The following JPH2 variants were observed in gnomAD, a reference collection of about 807,000 sequenced individuals.
JPH2 encodes junctophilin 2.
In JPH2, 38 loss-of-function variants were observed where a neutral mutation model predicts 55.9. That is an observed-to-expected ratio of 0.68 (90% CI 0.52 to 0.89). The LOEUF is 0.89. Among genes scored for constraint, JPH2 ranks in the 40% least tolerant of loss-of-function variants. JPH2 has a pLI of 0.00. For synonymous variants in JPH2, 480 were observed against 472.4 expected (o/e 1.02, Z -0.21); for missense variants, 964 against 1,037.6 (o/e 0.93, Z 0.97).
intron 2 of JPH2, among the ~76,000 whole-genome samples, chr20:44,141,047 C>T (rs1569199543): frequency 6.6e-6 from 1 of 152,088 alleles, no homozygotes; most frequent in Non-Finnish European, 1.5e-5. Flanking sequence ...AACAGAGGTG[C>T]AGTGAAGGGG....
rs2072155841 is a variant in JPH2, at chr20:44,112,810, G to A, written c.*708C>T. 6.6e-6 allele frequency: 1 copy of A among 152,384 alleles called. No homozygotes were observed. The highest frequency in any genetic ancestry group is 1.5e-5 in the Non-Finnish European group (1 of 68,200). 9.4% of individuals were successfully genotyped at this position (152,384 alleles called of 1,614,324 possible). On this transcript the variant is annotated 3_prime_UTR_variant, in exon 6 of 6. Transcript: ENST00000372980. ...ACCCTGCCCCCTGGCCACCTGGTCA[G>A]TGGCTTCCCAGCCAGAGGATCCATG...
chr20:44,106,980 G>C lies in JPH2; in HGVS notation c.*6538C>G, dbSNP rs1021129889. ...TTGCTCTGGAGCTCCCACTGGGTTG[G>C]ACTTTGTCAGGCCTGCATCAAGTTA... On this transcript the variant is annotated 3_prime_UTR_variant, in exon 6 of 6. Transcript: ENST00000372980. 2.6e-5 allele frequency among the ~76,000 whole-genome samples: 4 copies of C among 152,170 alleles called. No homozygotes were observed. Among genetic ancestry groups the C allele is most frequent in the African/African-American group, 9.7e-5 (4 of 41,432 alleles).
chr20:44,115,674 C>A lies in JPH2; in HGVS notation c.2001G>T (p.Glu667Asp), dbSNP rs765261384. The A allele has an allele frequency of 6.2e-7, 1 of 1,612,690 alleles. No individual in the cohort carries two copies. The highest frequency in any genetic ancestry group is 8.5e-7 in the Non-Finnish European group (1 of 1,180,012). The change falls in exon 4 of 6, where the codon GAG (glutamate) becomes GAT (aspartate). Residue 667 changes from glutamate (E) to aspartate (D), a missense_variant. Coordinates refer to ENST00000372980, the MANE Select transcript of JPH2 (RefSeq NM_020433.5). ...TGCCCGACAGCCTCACCTCTTCCAC[C>A]TCCACCTCCGCCTCTGCCGCCAGTG... ...EAALAAEAEV[E>D]VEEVPNTILI...
Position 44,115,854 on chromosome 20 carries a change from G to A in JPH2, c.1821C>T (p.Pro607=), listed in dbSNP as rs949299046. ...SSPATAPLQA[P]TLRGPEPARE... ...GTGCAGGCTCGGGGCCTCGGAGCGT[G>A]GGGGCCTGCAGCGGGGCGGTGGCCG... The change falls in exon 4 of 6, where the codon CCC becomes CCT. Residue 607 remains proline, a synonymous_variant. Coordinates refer to ENST00000372980, the MANE Select transcript of JPH2 (RefSeq NM_020433.5). 6.3e-7 allele frequency: 1 copy of A among 1,591,778 alleles called. No individual in the cohort carries two copies. Among genetic ancestry groups the A allele is most frequent in the African/African-American group, 1.3e-5 (1 of 74,680 alleles).
At chr20:44,129,552 CAAA>C (rs1208567536) in intron 2 of JPH2, among the ~76,000 whole-genome samples, 63 of 45,254 alleles carry the variant, frequency 1.4e-3, no homozygotes, top group African/African-American at 4.4e-3. Flanking sequence ...CAGGCTGTCT[CAAA>C]AAAAAAAAAA....
In JPH2 at chr20:44,115,917, C is replaced by T. The variant is rs753383507; in HGVS notation, c.1758G>A (p.Glu586=). ...CGGACTCGGACCCGGAGACCTCGGG[C>T]TCGGGCTGGTCCTCAAAGGGTGGGG... The part of the protein sequence containing the change: ...PEPPPFEDQP[E]PEVSGSESAP... The change falls in exon 4 of 6, where the codon GAG becomes GAA. Residue 586 remains glutamate, a synonymous_variant. Coordinates refer to ENST00000372980, the MANE Select transcript of JPH2 (RefSeq NM_020433.5). The T allele has an allele frequency of 9.5e-6, 15 of 1,571,366 alleles. No homozygotes were observed. Among genetic ancestry groups the T allele is most frequent in the Middle Eastern group, 1.7e-4 (1 of 5,774 alleles).
intron 2 of JPH2, among the ~76,000 whole-genome samples, chr20:44,135,738 G>C (rs2145859010): frequency 6.6e-6 from 1 of 152,310 alleles, no homozygotes; most frequent in East Asian, 1.9e-4. Context: ...ACTTGACTGT[G>C]AGACTCACAG....
chr20:44,116,012 A>T lies in JPH2; in HGVS notation c.1663T>A (p.Ser555Thr). The T allele has an allele frequency of 1.9e-6, 3 of 1,581,360 alleles. No homozygotes were observed. Among genetic ancestry groups the T allele is most frequent in the Non-Finnish European group, 2.6e-6 (3 of 1,172,064 alleles). ...IEALQAPPAP[S>T]REPEVALYQG... The stretch of plus-strand genomic sequence containing the variant: ...TAAAGCGCCACCTCCGGCTCCCGCG[A>T]CGGCGCAGGCGGTGCCTGCAGAGCC... The change falls in exon 4 of 6, where the codon TCG becomes ACG. Residue 555 changes from serine to threonine, a missense_variant. Coordinates refer to ENST00000372980, the MANE Select transcript of JPH2 (RefSeq NM_020433.5).
rs750624583 is a variant in JPH2 at position 44,110,772 on chromosome 20, T to G, written c.*2746A>C. On this transcript the variant is annotated 3_prime_UTR_variant, in exon 6 of 6. Coordinates refer to ENST00000372980, the MANE Select transcript of JPH2 (RefSeq NM_020433.5). ...CACCATAATCTATCTCATTTGAGCC[T>G]CACAACTGCATTGCCTATGAGGAAG... 3.9e-5 allele frequency among the ~76,000 whole-genome samples: 6 copies of G among 152,114 alleles called. No individual in the cohort carries two copies. Among genetic ancestry groups the G allele is most frequent in the Non-Finnish European group, 5.9e-5 (4 of 67,998 alleles).
At chr20:44,129,572 A>C (rs1337237976) in intron 2 of JPH2, among the ~76,000 whole-genome samples, 4 of 88,036 alleles carry the variant, frequency 4.5e-5, no homozygotes, top group South Asian at 4.0e-4. Context: ...AAAAAAAACA[A>C]AAAAAACAAA....
In JPH2 at chr20:44,186,400, G is replaced by A. The variant is rs779455211; in HGVS notation, c.306C>T (p.Ser102=). The A allele has an allele frequency of 9.9e-6, 16 of 1,613,638 alleles. No homozygotes were observed. The highest frequency in any genetic ancestry group is 1.3e-5 in the African/African-American group (1 of 74,924). The stretch of plus-strand genomic sequence containing the variant: ...TCCAGGTGCCCTCATACTTGGCACC[G>A]CTGCTTGAGCTCTGCCGGATTCCGT... ...GRYGIRQSSS[S]GAKYEGTWNN... Residue 102 remains serine (S), a synonymous_variant, in exon 1 of 6, where the codon AGC becomes AGT. Transcript: ENST00000372980.
chr20:44,184,149 CCT>C (rs1317969706), intron 1 of JPH2, among the ~76,000 whole-genome samples: 1 of 152,024 alleles, frequency 6.6e-6, no homozygotes, highest in African/African-American at 2.4e-5. Context: ...AGAGTAAGAC[CCT>C]GTCTCAAAAA....
At position 44,108,632 on chromosome 20, in the gene JPH2, CAAA is replaced by C. The variant is rs10630926; in HGVS notation, c.*4883_*4885del. The stretch of plus-strand genomic sequence containing the variant: ...TGGGTGACAGAATGAGACTCTGTCT[CAAA>C]AAAAAAAAAAAAGAAAAGAGGAAGA... On this transcript the variant is annotated 3_prime_UTR_variant, in exon 6 of 6. Coordinates refer to ENST00000372980, the MANE Select transcript of JPH2 (RefSeq NM_020433.5). 2.4e-5 allele frequency among the ~76,000 whole-genome samples: 3 copies of C among 127,044 alleles called. No individual in the cohort carries two copies. Among genetic ancestry groups the C allele is most frequent in the Non-Finnish European group, 3.4e-5 (2 of 58,620 alleles). 83.3% of individuals were successfully genotyped at this position (127,044 alleles called of 152,430 possible). A position where few individuals can be genotyped will look rare whatever the true frequency, so the allele number is the denominator to read the frequency against.
chr20:44,181,813 A>G (rs2072785994), intron 1 of JPH2, among the ~76,000 whole-genome samples: 2 of 152,038 alleles, frequency 1.3e-5, no homozygotes, highest in African/African-American at 4.8e-5. Flanking sequence ...TCAGCTGCCC[A>G]CTCTGGCTTT....
chr20:44,125,389 G>A (rs111810253), intron 2 of JPH2, among the ~76,000 whole-genome samples: 3,635 of 152,252 alleles, frequency 0.024, 64 homozygotes, highest in Non-Finnish European at 0.037. Context: ...TATTTGTTGA[G>A]CACTGTGTGA....
intron 2 of JPH2, among the ~76,000 whole-genome samples, chr20:44,119,032 G>A (rs1327325542): frequency 1.3e-5 from 2 of 152,188 alleles, no homozygotes; most frequent in Non-Finnish European, 2.9e-5. Context: ...AGATCCCTTT[G>A]GCAGTGTGGT....
At chr20:44,118,714 C>T (rs1264438112) in intron 2 of JPH2, 91 bp from the exon 3 acceptor site, 7 of 1,012,336 alleles carry the variant, frequency 6.9e-6, no homozygotes, top group Non-Finnish European at 1.1e-5. Flanking sequence ...ACATGCTAAA[C>T]ACAGCATTCT....
At chr20:44,143,930 G>C (rs2072476148) in intron 2 of JPH2, among the ~76,000 whole-genome samples, 1 of 152,092 alleles carries the variant, frequency 6.6e-6, no homozygotes, top group Non-Finnish European at 1.5e-5. Context: ...ACAAATAGGG[G>C]ATGGAGACAA....
In JPH2 at chr20:44,160,680, G is replaced by A. The variant is rs2145880051; in HGVS notation, c.380-273C>T. Among the ~76,000 whole-genome samples, 1 of 152,372 alleles carries A rather than the reference G, an allele frequency of 6.6e-6. No individual in the cohort carries two copies. The highest frequency in any genetic ancestry group is 6.5e-5 in the Admixed American group (1 of 15,308). On this transcript the variant is annotated intron_variant, in intron 1 of 5. Coordinates refer to ENST00000372980, the MANE Select transcript of JPH2 (RefSeq NM_020433.5). This position sits in a 1 kb window ranked among gnomAD's most constrained non-coding sequence, Gnocchi z 4.9. The stretch of plus-strand genomic sequence containing the variant: ...ACAAGTCGTGAACGGATAAGCTAGT[G>A]AGTTCGCATGGTAGTGCAAATGTTG...
Sources: gnomAD v4.1 joint callset for allele counts (sites outside exome capture counted in the v4.1 genomes callset) on GRCh38, gnomAD v4.1.1 for gene constraint, Gnocchi (gnomAD v3.1) non-coding constraint, MANE v1.5 for transcripts, NCBI Gene and HGNC (gene_info 2026-07-23, HGNC 2026-07-21) for gene names.